Variants in ABTB3 observed in about 807,000 individuals in gnomAD.
ABTB3 encodes the protein ankyrin repeat and BTB domain containing 3, also known as ankyrin repeat- and BTB/POZ domain-containing protein 3.
At chr12:107,347,238 A>G in the ABTB3 span, among the ~76,000 whole-genome samples, 2 of 152,338 alleles carry the variant, frequency 1.3e-5, no homozygotes, top group South Asian at 2.1e-4. Context: ...TGAGCCAGCT[A>G]TGAGCCTCAC....
chr12:107,370,027 G>A, the ABTB3 span, among the ~76,000 whole-genome samples: 2 of 152,070 alleles, frequency 1.3e-5, no homozygotes, highest in African/African-American at 4.8e-5. Flanking sequence ...GATATGTATC[G>A]CCTAGGAATT....
At chr12:107,370,287 T>G in the ABTB3 span, among the ~76,000 whole-genome samples, 4 of 152,224 alleles carry the variant, frequency 2.6e-5, no homozygotes, top group African/African-American at 9.6e-5. Flanking sequence ...TGGTGGCCCA[T>G]GTCGGTTCGT....
chr12:107,566,237 T>C, the ABTB3 span, among the ~76,000 whole-genome samples: 1 of 152,176 alleles, frequency 6.6e-6, no homozygotes, highest in Non-Finnish European at 1.5e-5. Flanking sequence ...GTTCCTTTTT[T>C]ATTTTTCTTT....
At chr12:107,502,585 C>T in the ABTB3 span, among the ~76,000 whole-genome samples, 596 of 151,862 alleles carry the variant, frequency 3.9e-3, 6 homozygotes, top group Non-Finnish European at 4.7e-3. Flanking sequence ...TGTTTTAAAT[C>T]GGGGTCCCCA....
chr12:107,619,302 C>T, the ABTB3 span, among the ~76,000 whole-genome samples: 43 of 152,128 alleles, frequency 2.8e-4, no homozygotes, highest in African/African-American at 9.9e-4. Flanking sequence ...GCATGAGAGG[C>T]GAGAGGCAAA....
chr12:107,616,979 C>T, the ABTB3 span: 1 of 1,120,858 alleles, frequency 8.9e-7, no homozygotes, highest in South Asian at 1.3e-5. Flanking sequence ...TGTCACCAAC[C>T]TAGAGGGAGG....
the ABTB3 span, among the ~76,000 whole-genome samples, chr12:107,528,960 G>A: frequency 6.6e-6 from 1 of 151,960 alleles, no homozygotes; most frequent in African/African-American, 2.4e-5. Context: ...TAGTGATGGT[G>A]ATGGTGACAG....
chr12:107,601,949 A>G, the ABTB3 span, among the ~76,000 whole-genome samples: 9 of 152,230 alleles, frequency 5.9e-5, no homozygotes, highest in Admixed American at 5.9e-4. Flanking sequence ...GGGCACAGCC[A>G]AGGGATGAAC....
At chr12:107,347,833 C>A in the ABTB3 span, among the ~76,000 whole-genome samples, 1 of 152,130 alleles carries the variant, frequency 6.6e-6, no homozygotes, top group Non-Finnish European at 1.5e-5. Context: ...TTGTTTACTT[C>A]TTTGGAAAAT....
the ABTB3 span, among the ~76,000 whole-genome samples, chr12:107,492,147 CTT>C: frequency 6.6e-6 from 1 of 152,100 alleles, no homozygotes; most frequent in Non-Finnish European, 1.5e-5. Context: ...TCTGAGGAGA[CTT>C]TATAGAATGG....
chr12:107,582,528 A>G, the ABTB3 span, among the ~76,000 whole-genome samples: 1 of 152,142 alleles, frequency 6.6e-6, no homozygotes, highest in African/African-American at 2.4e-5. Flanking sequence ...CTTGTCACCT[A>G]CAATAACAGC....
At chr12:107,656,035 C>T in the ABTB3 span, among the ~76,000 whole-genome samples, 8 of 151,932 alleles carry the variant, frequency 5.3e-5, no homozygotes, top group Non-Finnish European at 1.2e-4. Context: ...TGCCTGTAAT[C>T]CCAGCATTTT....
the ABTB3 span, among the ~76,000 whole-genome samples, chr12:107,345,645 T>C: frequency 6.6e-6 from 1 of 151,932 alleles, no homozygotes; most frequent in African/African-American, 2.4e-5. Context: ...CAGACCACAC[T>C]AGAGTGGAGG....
the ABTB3 span, among the ~76,000 whole-genome samples, chr12:107,433,161 G>A: frequency 1.3e-5 from 2 of 151,414 alleles, no homozygotes; most frequent in Admixed American, 6.6e-5. Context: ...GCGGTGGCGG[G>A]CGCCTGTAGT....
the ABTB3 span, among the ~76,000 whole-genome samples, chr12:107,465,566 T>C: frequency 6.6e-6 from 1 of 152,106 alleles, no homozygotes; most frequent in Non-Finnish European, 1.5e-5. Context: ...TTCTGAACAG[T>C]GTGGGCGTCC....
the ABTB3 span, among the ~76,000 whole-genome samples, chr12:107,421,016 G>C: frequency 6.6e-6 from 1 of 152,256 alleles, no homozygotes; most frequent in East Asian, 1.9e-4. Context: ...TGTTATAAAA[G>C]AGTAGAGAGG....
At chr12:107,603,108 A>C in the ABTB3 span, among the ~76,000 whole-genome samples, 1 of 152,204 alleles carries the variant, frequency 6.6e-6, no homozygotes, top group Non-Finnish European at 1.5e-5. Flanking sequence ...TAAGTCAGGC[A>C]CTCAAGAGGG....
the ABTB3 span, among the ~76,000 whole-genome samples, chr12:107,367,580 C>T: frequency 6.6e-6 from 1 of 152,192 alleles, no homozygotes. Flanking sequence ...TTTCGGCTCA[C>T]TGCAACCTCT....
chr12:107,464,969 C>G, the ABTB3 span, among the ~76,000 whole-genome samples: 1 of 151,974 alleles, frequency 6.6e-6, no homozygotes, highest in East Asian at 1.9e-4. Flanking sequence ...CACACACACA[C>G]ACACACACCC....
Sources: allele counts gnomAD v4.1 joint callset (sites outside exome capture counted in the v4.1 genomes callset), GRCh38; gene constraint gnomAD v4.1.1; transcripts MANE v1.5; gene names NCBI Gene and HGNC (gene_info 2026-07-23, HGNC 2026-07-21).